PAG1: variants seen among roughly 807,000 people sequenced by gnomAD.
PAG1 encodes the protein phosphoprotein membrane anchor with glycosphingolipid microdomains 1.
A neutral mutation model predicts 31.7 loss-of-function variants in PAG1; 23 were observed. The observed-to-expected ratio is 0.73, with a 90% CI of 0.52 to 1.03. The LOEUF is 1.03. Among genes scored for constraint, PAG1 ranks in the 50% least tolerant of loss-of-function variants. The pLI is 0.00. For missense variants in PAG1, 473 were observed against 540.7 expected (o/e 0.87, Z 1.24); for synonymous variants, 214 against 210.3 (o/e 1.02, Z -0.15).
intron 3 of PAG1, among the ~76,000 whole-genome samples, chr8:80,996,775 G>A (rs1807682359): frequency 2.0e-5 from 3 of 152,136 alleles, no homozygotes. Context: ...GTGCTTGGGG[G>A]TCCTCGTTCT....
At chr8:81,107,979 TATCC>T (rs1809719681) in intron 1 of PAG1, among the ~76,000 whole-genome samples, 1 of 152,262 alleles carries the variant, frequency 6.6e-6, no homozygotes, top group Admixed American at 6.5e-5. Flanking sequence ...CATTCATTTA[TATCC>T]ATATTAAAAT....
chr8:81,004,742 C>G (rs1807844740), intron 3 of PAG1, among the ~76,000 whole-genome samples: 1 of 152,196 alleles, frequency 6.6e-6, no homozygotes, highest in Non-Finnish European at 1.5e-5. Flanking sequence ...AGCCTGGCAG[C>G]AGAGGCTCCA....
At chr8:81,028,351 C>CT (rs1234051691) in intron 3 of PAG1, among the ~76,000 whole-genome samples, 1 of 152,202 alleles carries the variant, frequency 6.6e-6, no homozygotes, top group African/African-American at 2.4e-5. Flanking sequence ...TTAAATGCGT[C>CT]TTTTTTCTCT....
intron 1 of PAG1, among the ~76,000 whole-genome samples, chr8:81,083,562 A>AT (rs1036135521): frequency 4.0e-5 from 6 of 150,888 alleles, no homozygotes; most frequent in Admixed American, 1.3e-4. Context: ...GTGAGGCCAC[A>AT]TTTTTTTTTC....
chr8:81,077,836 C>T (rs1809204114), intron 1 of PAG1, among the ~76,000 whole-genome samples: 1 of 152,170 alleles, frequency 6.6e-6, no homozygotes, highest in Non-Finnish European at 1.5e-5. Flanking sequence ...TGTGTTCCAT[C>T]ATTTCCTAAA....
Position 81,029,364 on chromosome 8 carries a change from T to A in PAG1, c.-81+632A>T, listed in dbSNP as rs549385250. The stretch of plus-strand genomic sequence containing the variant: ...TCTTTGGTCTCTCTCTCTCTCTCTC[T>A]CACACACACACACACACACACACAC... On this transcript the variant is annotated intron_variant, in intron 3 of 8. Coordinates refer to ENST00000220597, the MANE Select transcript of PAG1 (RefSeq NM_018440.4). 7.5e-3 allele frequency among the ~76,000 whole-genome samples: 1,096 copies of A among 145,550 alleles called. 8 individuals carry two copies. Among genetic ancestry groups the A allele is most frequent in the African/African-American group, 0.023 (874 of 38,746 alleles).
In PAG1 at chr8:81,050,626, T is replaced by G. The variant is rs77183822; in HGVS notation, c.-175+19486A>C. ...AGTCCTTTCTATCTGTATTTGTCTA[T>G]AAGTTAATTCATGTGCGGTAAATAC... On this transcript the variant is annotated intron_variant, in intron 2 of 8. Coordinates refer to ENST00000220597, the MANE Select transcript of PAG1 (RefSeq NM_018440.4). Among the ~76,000 whole-genome samples, 104 of 152,326 alleles carry G rather than the reference T, an allele frequency of 6.8e-4. No homozygotes were observed. In the East Asian group the frequency reaches 0.019, roughly 28 times the overall value.
chr8:81,057,459 C>T (rs191044077), intron 2 of PAG1, among the ~76,000 whole-genome samples: 1 of 151,494 alleles, frequency 6.6e-6, no homozygotes, highest in Non-Finnish European at 1.5e-5. Context: ...TCACAGCAAA[C>T]TACCACAAGG....
chr8:81,092,084 G>A (rs1809455415), intron 1 of PAG1, among the ~76,000 whole-genome samples: 1 of 149,112 alleles, frequency 6.7e-6, no homozygotes, highest in African/African-American at 2.5e-5. Context: ...TGGGTGCAAT[G>A]GCTCACACCT....
At chr8:81,075,197 A>AT (rs1244058068) in intron 1 of PAG1, among the ~76,000 whole-genome samples, 1 of 152,214 alleles carries the variant, frequency 6.6e-6, no homozygotes, top group Non-Finnish European at 1.5e-5. Flanking sequence ...AATGTATAGT[A>AT]TTGCCATTTG....
chr8:81,054,913 G>C (rs1475105607), intron 2 of PAG1, among the ~76,000 whole-genome samples: 1 of 151,944 alleles, frequency 6.6e-6, no homozygotes, highest in East Asian at 1.9e-4. Context: ...GGGAGAAGGG[G>C]GAAACTTTTA....
intron 2 of PAG1, among the ~76,000 whole-genome samples, chr8:81,030,930 T>C (rs1009619688): frequency 4.6e-5 from 7 of 152,244 alleles, no homozygotes; most frequent in African/African-American, 1.4e-4. Context: ...AGAACGGCTG[T>C]GTTTATGCTC....
rs542643910 is a variant in PAG1, at chr8:80,989,146, C to T, written c.178-1680G>A. ...TACACAGCAGATAGTTCATGCTGTG[C>T]AATGATCCAAAAGTGTATTGGAAGT... On this transcript the variant is annotated intron_variant, in intron 5 of 8. Coordinates refer to ENST00000220597, the MANE Select transcript of PAG1 (RefSeq NM_018440.4). Among the ~76,000 whole-genome samples, 11 of 152,306 alleles carry T rather than the reference C, an allele frequency of 7.2e-5. No homozygotes were observed. In the South Asian group the frequency reaches 2.1e-3, roughly 29 times the overall value.
chr8:81,096,688 G>A (rs1382927009), intron 1 of PAG1, among the ~76,000 whole-genome samples: 1 of 152,188 alleles, frequency 6.6e-6, no homozygotes, highest in Admixed American at 6.5e-5. Flanking sequence ...GAGGGTGCAT[G>A]GCTTTGGTTT....
intron 1 of PAG1, among the ~76,000 whole-genome samples, chr8:81,079,736 C>T (rs775486330): frequency 1.3e-4 from 19 of 151,034 alleles, no homozygotes; most frequent in African/African-American, 3.9e-4. Flanking sequence ...TTATGCGTAT[C>T]GCATGCCATG....
At chr8:81,027,641 C>G (rs980938601) in intron 3 of PAG1, among the ~76,000 whole-genome samples, 1 of 152,120 alleles carries the variant, frequency 6.6e-6, no homozygotes, top group Non-Finnish European at 1.5e-5. Flanking sequence ...CGCGGTGGCT[C>G]ATGCCTGTAA....
intron 1 of PAG1, among the ~76,000 whole-genome samples, chr8:81,101,652 A>G (rs1809611371): frequency 1.3e-5 from 2 of 152,204 alleles, no homozygotes; most frequent in South Asian, 2.1e-4. Context: ...ACTGATAAAC[A>G]TAAACAGGCT....
At chr8:80,981,792 T>C (rs563354149) in intron 7 of PAG1, among the ~76,000 whole-genome samples, 1 of 152,030 alleles carries the variant, frequency 6.6e-6, no homozygotes, top group East Asian at 1.9e-4. Flanking sequence ...CATGCTGTTG[T>C]TTCTCTCATT....
In PAG1 at chr8:81,033,402, G is replaced by A. The variant is rs138963933; in HGVS notation, c.-174-3313C>T. Among the ~76,000 whole-genome samples the A allele has an allele frequency of 2.6e-3, 401 of 152,300 alleles. 2 individuals carry two copies. Among genetic ancestry groups the A allele is most frequent in the South Asian group, 0.016 (79 of 4,824 alleles). The stretch of plus-strand genomic sequence containing the variant: ...GCTGATTATTTCCAAAGGTGATAGA[G>A]ATAATTAGGTTATCAGGGTATAGAG... On this transcript the variant is annotated intron_variant, in intron 2 of 8. Transcript: ENST00000220597.
Sources: allele counts gnomAD v4.1 joint callset (sites outside exome capture counted in the v4.1 genomes callset), GRCh38; gene constraint gnomAD v4.1.1; transcripts MANE v1.5; gene names NCBI Gene and HGNC (gene_info 2026-07-23, HGNC 2026-07-21).